Variants in WTIP observed in about 807,000 individuals in gnomAD.
WTIP encodes WT1 interacting protein.
Under a neutral mutation model 41.7 loss-of-function variants are expected in WTIP, and 23 were observed. The observed-to-expected ratio is 0.55, with a 90% CI of 0.40 to 0.78. The LOEUF is 0.78. Ranked by LOEUF, WTIP falls within the 30% of genes least tolerant of loss-of-function variation. WTIP has a pLI of 0.00. For missense variants in WTIP, 619 were observed against 610.5 expected (o/e 1.01, Z -0.15); for synonymous variants, 314 against 269.9 (o/e 1.16, Z -1.60).
chr19:34,499,582 A>G (rs1192598320), intron 7 of WTIP, among the ~76,000 whole-genome samples: 1 of 152,172 alleles, frequency 6.6e-6, no homozygotes, highest in African/African-American at 2.4e-5. Flanking sequence ...TTGACTGCTC[A>G]GCCCTCTCCC....
chr19:34,486,878 C>G (rs1193798882), intron 1 of WTIP, among the ~76,000 whole-genome samples: 1 of 152,082 alleles, frequency 6.6e-6, no homozygotes, highest in Non-Finnish European at 1.5e-5. Flanking sequence ...CCAACCTCCA[C>G]CTCCTGCACC....
chr19:34,500,393 AG>A lies in WTIP; in HGVS notation c.*128del, dbSNP rs2075878878. The A allele has an allele frequency of 7.6e-7, 1 of 1,309,412 alleles. No homozygotes were observed. The highest frequency in any genetic ancestry group is 1.0e-6 in the Non-Finnish European group (1 of 990,590). 81.1% of individuals were successfully genotyped at this position (1,309,412 alleles called of 1,614,324 possible). On this transcript the variant is annotated 3_prime_UTR_variant, in exon 8 of 8. Transcript: ENST00000590071. ...AGTTTCCCACCGAGCTGCTGTCTGC[AG>A]GGGCCGGACCCCCGCGTGGAAGCTT... is the stretch of plus-strand genomic sequence containing the variant.
chr19:34,482,653 C>A lies in WTIP; in HGVS notation c.667+12C>A, dbSNP rs2075774905. The A allele has an allele frequency of 8.1e-7, 1 of 1,227,178 alleles. No individual in the cohort carries two copies. The highest frequency in any genetic ancestry group is 1.0e-6 in the Non-Finnish European group (1 of 985,090). 76.0% of individuals were successfully genotyped at this position (1,227,178 alleles called of 1,614,324 possible). On this transcript the variant is annotated intron_variant, in intron 1 of 7. Coordinates refer to ENST00000590071, the MANE Select transcript of WTIP (RefSeq NM_001080436.2). ...GCGGGACTACTTCGGTGAGCTCGCT[C>A]GGCCCGGCAGTTCCCTGCGCGCATG...
chr19:34,504,403 T>TGTGTG lies in WTIP; in HGVS notation c.*4134_*4135insGTGTG, dbSNP rs1568405022. The TGTGTG allele has an allele frequency of 4.1e-5, 6 of 146,312 alleles. No homozygotes were observed. The highest frequency in any genetic ancestry group is 1.6e-4 in the African/African-American group (6 of 38,454). The allele number at this position is 146,312 out of a possible 1,614,324, so 9.1% of individuals were successfully genotyped here. A position where few individuals can be genotyped will look rare whatever the true frequency, so the allele number is the denominator to read the frequency against. ...CTGTGGGGTGTAATTGTGTGTTTGT[T>TGTGTG]TGTGTGTGTGTGTGTGTGTCTGTGT... On this transcript the variant is annotated 3_prime_UTR_variant, in exon 8 of 8. Transcript: ENST00000590071.
intron 1 of WTIP, among the ~76,000 whole-genome samples, chr19:34,485,660 C>T (rs1378156017): frequency 6.6e-6 from 1 of 151,280 alleles, no homozygotes; most frequent in Non-Finnish European, 1.5e-5. Context: ...GTGGTGAGAT[C>T]AGCGCTCATT....
rs78652416 is a variant in WTIP, at chr19:34,504,243, G to A, written c.*3974G>A. On this transcript the variant is annotated 3_prime_UTR_variant, in exon 8 of 8. Coordinates refer to ENST00000590071, the MANE Select transcript of WTIP (RefSeq NM_001080436.2). ...GACAGGATAAGCTGCAGAGAGAGAG[G>A]GAGAGAGGGATTGAACTGGAGCGAG... The A allele has an allele frequency of 2.3e-4, 29 of 127,174 alleles. No homozygotes were observed. Among genetic ancestry groups the A allele is most frequent in the African/African-American group, 1.0e-3 (28 of 28,022 alleles). 7.9% of individuals were successfully genotyped at this position (127,174 alleles called of 1,614,324 possible). A position where few individuals can be genotyped will look rare whatever the true frequency, so the allele number is the denominator to read the frequency against.
At chr19:34,487,965 C>T (rs975021947) in intron 1 of WTIP, among the ~76,000 whole-genome samples, 2 of 152,200 alleles carry the variant, frequency 1.3e-5, no homozygotes, top group Non-Finnish European at 2.9e-5. Context: ...CTGGTCACCC[C>T]TCTCCTTTCC....
chr19:34,494,529 G>A, intron 5 of WTIP, 57 bp from the exon 6 acceptor site: 1 of 1,573,234 alleles, frequency 6.4e-7, no homozygotes. Flanking sequence ...CCCTGTGCTT[G>A]TGCCCTTGGC....
At position 34,493,087 on chromosome 19, in the gene WTIP, T is replaced by C. The variant is rs368361190; in HGVS notation, c.820T>C (p.Cys274Arg). ...CTACAACGTGGGTGAGAAAGTGTAC[T>C]GCCAGGAGGACTTCCTGGTGAGTCC... is the stretch of plus-strand genomic sequence containing the variant. ...AFYNVGEKVYCQEDFLYSGFQ... is the reference protein window; with the variant it reads ...AFYNVGEKVYRQEDFLYSGFQ... The change falls in exon 3 of 8, where the codon TGC (cysteine) becomes CGC (arginine). Residue 274 changes from cysteine (C) to arginine (R), a missense_variant. Physicochemically the swap from Cys to Arg is radical, Grantham distance 180 (BLOSUM62 -3). Coordinates refer to ENST00000590071, the MANE Select transcript of WTIP (RefSeq NM_001080436.2). This position sits in a 1 kb window ranked among gnomAD's most constrained non-coding sequence, Gnocchi z 4.1. 1.9e-6 allele frequency: 3 copies of C among 1,613,908 alleles called. No individual in the cohort carries two copies.
chr19:34,494,391 TAA>T (rs1238384563), intron 5 of WTIP, among the ~76,000 whole-genome samples, 193 bp from the exon 6 acceptor site: 3 of 140,802 alleles, frequency 2.1e-5, no homozygotes, highest in Non-Finnish European at 1.6e-5. Flanking sequence ...CCATTTCTAT[TAA>T]AAAAAAAAAA....
chr19:34,511,585 T>C lies in WTIP; in HGVS notation c.*11316T>C, dbSNP rs1414332127. ...CAGGCCAAGGGTTCCTGCCTTTGGATGCACATGGCCACCTTGCCCACTAGA... is the reference window on the plus strand; with the variant it reads ...CAGGCCAAGGGTTCCTGCCTTTGGACGCACATGGCCACCTTGCCCACTAGA... On this transcript the variant is annotated 3_prime_UTR_variant, in exon 8 of 8. Coordinates refer to ENST00000590071, the MANE Select transcript of WTIP (RefSeq NM_001080436.2). 6.6e-6 allele frequency: 1 copy of C among 152,216 alleles called. No individual in the cohort carries two copies. Among genetic ancestry groups the C allele is most frequent in the Admixed American group, 6.5e-5 (1 of 15,288 alleles). The allele number at this position is 152,216 out of a possible 1,614,324, so 9.4% of individuals were successfully genotyped here. A position where few individuals can be genotyped will look rare whatever the true frequency, so the allele number is the denominator to read the frequency against.
rs536450583 is a variant in WTIP at position 34,508,508 on chromosome 19, A to G, written c.*8239A>G. On this transcript the variant is annotated 3_prime_UTR_variant, in exon 8 of 8. Coordinates refer to ENST00000590071, the MANE Select transcript of WTIP (RefSeq NM_001080436.2). ...TTTAGTTTTAAAGGTGCATTGACCC[A>G]TGTACCTTTGCATGGACATGTTCTT... is the stretch of plus-strand genomic sequence containing the variant. The G allele has an allele frequency of 1.3e-5, 2 of 152,366 alleles. No homozygotes were observed. The highest frequency in any genetic ancestry group is 4.1e-4 in the South Asian group (2 of 4,830). The allele number at this position is 152,366 out of a possible 1,614,324, so 9.4% of individuals were successfully genotyped here.
At chr19:34,498,055 G>T (rs892062537) in intron 7 of WTIP, among the ~76,000 whole-genome samples, 29 of 152,272 alleles carry the variant, frequency 1.9e-4, no homozygotes, top group African/African-American at 6.5e-4. Context: ...CGGTAGCAGG[G>T]CCCAGCCAGT....
rs1286063369 is a variant in WTIP, at chr19:34,501,662, G to C, written c.*1393G>C. 6.6e-6 allele frequency: 1 copy of C among 152,302 alleles called. No individual in the cohort carries two copies. The highest frequency in any genetic ancestry group is 1.5e-5 in the Non-Finnish European group (1 of 68,086). The allele number at this position is 152,302 out of a possible 1,614,324, so 9.4% of individuals were successfully genotyped here. A position where few individuals can be genotyped will look rare whatever the true frequency, so the allele number is the denominator to read the frequency against. On this transcript the variant is annotated 3_prime_UTR_variant, in exon 8 of 8. Coordinates refer to ENST00000590071, the MANE Select transcript of WTIP (RefSeq NM_001080436.2). The stretch of plus-strand genomic sequence containing the variant: ...CAGGGCTGTCCAGGCCGAGCCCAAG[G>C]GAACAAACACCAGGAGGCGCCCGCA...
At chr19:34,497,601 CTG>C (rs2075861716) in intron 7 of WTIP, among the ~76,000 whole-genome samples, 1 of 152,278 alleles carries the variant, frequency 6.6e-6, no homozygotes, top group African/African-American at 2.4e-5. Context: ...CAAAGGGAGA[CTG>C]AGGAGGCCTG....
chr19:34,495,643 AC>A (rs1188758300), intron 6 of WTIP, 59 bp from the exon 7 acceptor site: 14 of 1,588,240 alleles, frequency 8.8e-6, no homozygotes, highest in Non-Finnish European at 1.2e-5. Flanking sequence ...GTGTACACTC[AC>A]GCAGTTTGCC....
In WTIP at chr19:34,506,141, T is replaced by G. The variant is rs1235365016; in HGVS notation, c.*5872T>G. ...GTGTTCAGATGCTCATGGTTTCTGA[T>G]GAGAAGTTGGCTGTGTCTCTCACGG... On this transcript the variant is annotated 3_prime_UTR_variant, in exon 8 of 8. Coordinates refer to ENST00000590071, the MANE Select transcript of WTIP (RefSeq NM_001080436.2). 1.3e-5 allele frequency: 2 copies of G among 152,136 alleles called. No individual in the cohort carries two copies. Among genetic ancestry groups the G allele is most frequent in the Non-Finnish European group, 2.9e-5 (2 of 68,032 alleles). The allele number at this position is 152,136 out of a possible 1,614,324, so 9.4% of individuals were successfully genotyped here.
chr19:34,507,977 G>A lies in WTIP; in HGVS notation c.*7708G>A, dbSNP rs12981798. The stretch of plus-strand genomic sequence containing the variant: ...GAGCACCTTCCCTTGAGACCCACCA[G>A]GCTCTCTTTCAGTCACAGCATCTTC... On this transcript the variant is annotated 3_prime_UTR_variant, in exon 8 of 8. Transcript: ENST00000590071. 0.39 allele frequency: 58,778 copies of A among 152,084 alleles called. 12,883 individuals carry two copies. The highest frequency in any genetic ancestry group is 0.58 in the African/African-American group (24,208 of 41,444). 9.4% of individuals were successfully genotyped at this position (152,084 alleles called of 1,614,324 possible).
chr19:34,498,151 G>A (rs561932911), intron 7 of WTIP, among the ~76,000 whole-genome samples: 55 of 152,212 alleles, frequency 3.6e-4, no homozygotes, highest in African/African-American at 9.9e-4. Context: ...TGCGCAGGGC[G>A]GGCCAGGTGT....
Sources: allele counts gnomAD v4.1 joint callset (sites outside exome capture counted in the v4.1 genomes callset), GRCh38; gene constraint gnomAD v4.1.1; non-coding constraint Gnocchi (gnomAD v3.1); transcripts MANE v1.5; gene names NCBI Gene and HGNC (gene_info 2026-07-23, HGNC 2026-07-21).